The following CD69 variants were observed in gnomAD, a reference collection of about 807,000 sequenced individuals.
CD69 encodes early activation antigen CD69.
CD69 carries 10 observed loss-of-function variants against 21.4 expected under a neutral mutation model. The ratio of observed to expected loss-of-function variants is 0.47; its 90% CI spans 0.29 to 0.79. The LOEUF is 0.79. Among genes scored for constraint, CD69 ranks in the 30% least tolerant of loss-of-function variants. The pLI, the probability that CD69 is intolerant of heterozygous loss-of-function variation, is 0.09. For missense variants in CD69, 204 were observed against 236.9 expected (o/e 0.86, Z 0.91); for synonymous variants, 63 against 78.2 (o/e 0.81, Z 1.03).
Position 9,753,419 on chromosome 12 carries a change from C to A in CD69, c.*62G>T, listed in dbSNP as rs1233211381. ...AGACTTCGGACCACAGAGCAGCATCCACTGACACAGATTTCCTTGAGTTCC... is the reference window on the plus strand; with the variant it reads ...AGACTTCGGACCACAGAGCAGCATCAACTGACACAGATTTCCTTGAGTTCC... On this transcript the variant is annotated 3_prime_UTR_variant, in exon 5 of 5. Transcript: ENST00000228434. 17 of 704,170 alleles carry A rather than the reference C, an allele frequency of 2.4e-5. No homozygotes were observed. Among genetic ancestry groups the A allele is most frequent in the Non-Finnish European group, 3.4e-5 (14 of 411,632 alleles). 43.6% of individuals were successfully genotyped at this position (704,170 alleles called of 1,614,324 possible).
At chr12:9,758,199 A>G (rs1311736156) in intron 1 of CD69, among the ~76,000 whole-genome samples, 1 of 152,156 alleles carries the variant, frequency 6.6e-6, no homozygotes, top group Non-Finnish European at 1.5e-5. Context: ...GGAAGGAGAA[A>G]AGAGAATTTT....
intron 1 of CD69, among the ~76,000 whole-genome samples, chr12:9,758,439 C>T (rs1306663860): frequency 6.6e-6 from 1 of 152,128 alleles, no homozygotes; most frequent in East Asian, 1.9e-4. Flanking sequence ...TCTTGAAATA[C>T]ACATATTTTT....
chr12:9,759,780 A>G (rs746677887), intron 1 of CD69, among the ~76,000 whole-genome samples: 48 of 152,328 alleles, frequency 3.2e-4, no homozygotes, highest in African/African-American at 1.1e-3. Flanking sequence ...ACTAATTCCT[A>G]AGTGCTAGTG....
chr12:9,759,302 A>T (rs1866711499), intron 1 of CD69, among the ~76,000 whole-genome samples: 1 of 152,184 alleles, frequency 6.6e-6, no homozygotes, highest in Admixed American at 6.5e-5. Flanking sequence ...GGTCCTGCAC[A>T]TTAATGGAGA....
intron 4 of CD69, 39 bp from the exon 5 acceptor site, chr12:9,753,628 C>T (rs889584931): frequency 1.1e-5 from 10 of 941,004 alleles, no homozygotes; most frequent in African/African-American, 1.7e-5. Flanking sequence ...ATTTTCAGCT[C>T]ATTGTTTTCA....
chr12:9,755,413 G>C, intron 2 of CD69, 152 bp from the exon 3 acceptor site: 1 of 647,150 alleles, frequency 1.5e-6, no homozygotes, highest in Non-Finnish European at 2.7e-6. Flanking sequence ...TATGAAGAAA[G>C]AAAGTTCTCA....
At chr12:9,757,233 G>A (rs1269641790) in intron 1 of CD69, among the ~76,000 whole-genome samples, 1 of 152,214 alleles carries the variant, frequency 6.6e-6, no homozygotes, top group African/African-American at 2.4e-5. Context: ...ACATTAAAAT[G>A]ACTGAACAAA....
chr12:9,757,683 T>C (rs10772119), intron 1 of CD69, among the ~76,000 whole-genome samples: 108,145 of 152,166 alleles, frequency 0.71, 38,938 homozygotes, highest in East Asian at 0.95. Flanking sequence ...CATATTTGCA[T>C]TTACATGACT....
In CD69 at chr12:9,756,252, T is replaced by G. The variant is rs780298004; in HGVS notation, c.187+45A>C. ...ATTGATTTCAGCTGGGCATGAATGC[T>G]TACAGCTAGGAGGCTTTGAAAGAAT... On this transcript the variant is annotated intron_variant, in intron 2 of 4. Transcript: ENST00000228434. 18 of 1,561,094 alleles carry G rather than the reference T, an allele frequency of 1.2e-5. No individual in the cohort carries two copies. The East Asian group carries it at 2.5e-4, about 22-fold the overall frequency.
At position 9,760,859 on chromosome 12, in the gene CD69, T is replaced by TC. The variant is rs1866728376; in HGVS notation, c.-40dup. On this transcript the variant is annotated 5_prime_UTR_variant, in exon 1 of 5. Coordinates refer to ENST00000228434, the MANE Select transcript of CD69 (RefSeq NM_001781.2). ...ATTCCCTAGTTAATCTCAGGTCAAG[T>TC]CAAGCTACAGTGAAAGTCTTTGCTG... is the stretch of plus-strand genomic sequence containing the variant. 2.6e-6 allele frequency: 4 copies of TC among 1,544,460 alleles called. No homozygotes were observed. In the East Asian group the frequency reaches 9.0e-5, roughly 35 times the overall value.
At chr12:9,756,841 G>A (rs748376245) in intron 1 of CD69, among the ~76,000 whole-genome samples, 1 of 152,272 alleles carries the variant, frequency 6.6e-6, no homozygotes, top group African/African-American at 2.4e-5. Flanking sequence ...TTGGGAGGCC[G>A]AGGTGAGTGG....
chr12:9,760,552 TGAA>T, intron 1 of CD69, among the ~76,000 whole-genome samples: 1 of 152,332 alleles, frequency 6.6e-6, no homozygotes, highest in South Asian at 2.1e-4. Context: ...ACCTCTTCCC[TGAA>T]GAAGAACCTG....
intron 1 of CD69, among the ~76,000 whole-genome samples, chr12:9,756,970 C>G (rs1012548868): frequency 2.6e-5 from 4 of 152,124 alleles, no homozygotes; most frequent in African/African-American, 9.7e-5. Context: ...TTCCCAGCTA[C>G]TTGGGAGTCT....
intron 4 of CD69, 42 bp from the exon 5 acceptor site, chr12:9,753,631 T>G (rs1346729121): frequency 1.1e-6 from 1 of 947,380 alleles, no homozygotes; most frequent in South Asian, 1.5e-5. Context: ...TTCAGCTCAT[T>G]GTTTTCATTC....
intron 1 of CD69, among the ~76,000 whole-genome samples, chr12:9,757,877 C>T (rs1224242468): frequency 2.0e-5 from 3 of 152,140 alleles, no homozygotes; most frequent in Non-Finnish European, 2.9e-5. Flanking sequence ...TGTATACCTA[C>T]GAGCTGTGCA....
chr12:9,755,954 A>G (rs1225305307), intron 2 of CD69: 1 of 156,588 alleles, frequency 6.4e-6, no homozygotes, highest in Non-Finnish European at 1.4e-5. Context: ...TCCATAATCA[A>G]TGAATGTGAA....
At chr12:9,754,834 G>T in intron 3 of CD69, 144 bp from the exon 4 acceptor site, 1 of 701,722 alleles carries the variant, frequency 1.4e-6, no homozygotes. Context: ...AGCATATTTG[G>T]ATTTCTGGTC....
chr12:9,760,893 G>A lies in CD69; in HGVS notation c.-73C>T, dbSNP rs147550106. ...AGTGAAAGTCTTTGCTGGAGCTCTT[G>A]TTGAGTCTGTGAGGCTCTGAGGCAT... is the stretch of plus-strand genomic sequence containing the variant. On this transcript the variant is annotated 5_prime_UTR_variant, in exon 1 of 5. Coordinates refer to ENST00000228434, the MANE Select transcript of CD69 (RefSeq NM_001781.2). 7.9e-7 allele frequency: 1 copy of A among 1,263,064 alleles called. No individual in the cohort carries two copies. The highest frequency in any genetic ancestry group is 1.1e-6 in the Non-Finnish European group (1 of 870,354). The allele number at this position is 1,263,064 out of a possible 1,614,324, so 78.2% of individuals were successfully genotyped here. A position where few individuals can be genotyped will look rare whatever the true frequency, so the allele number is the denominator to read the frequency against.
chr12:9,756,535 TC>T, intron 1 of CD69, 116 bp from the exon 2 acceptor site: 2 of 833,572 alleles, frequency 2.4e-6, no homozygotes, highest in Non-Finnish European at 3.5e-6. Flanking sequence ...ATATGAAATT[TC>T]CCCGTCTCTT....
Sources: allele counts gnomAD v4.1 joint callset (sites outside exome capture counted in the v4.1 genomes callset), GRCh38; gene constraint gnomAD v4.1.1; transcripts MANE v1.5; gene names NCBI Gene and HGNC (gene_info 2026-07-23, HGNC 2026-07-21).